The following ARHGAP20 variants were observed in gnomAD, a reference collection of about 807,000 sequenced individuals.
The protein encoded by ARHGAP20 is Rho GTPase activating protein 20, also known as rho GTPase-activating protein 20.
Under a neutral mutation model 73.7 loss-of-function variants are expected in ARHGAP20, and 34 were observed. The ratio of observed to expected loss-of-function variants is 0.46; its 90% confidence interval spans 0.35 to 0.61. ARHGAP20 has a LOEUF of 0.61. ARHGAP20 is among the 20% of genes least tolerant of loss of function. ARHGAP20 has a pLI of 0.00. For synonymous variants in ARHGAP20, 523 were observed against 518.2 expected, an observed-to-expected ratio of 1.01 and a Z score of -0.13; for missense variants, 1,314 against 1,420.9, an observed-to-expected ratio of 0.92 and a Z score of 1.21.
intron 2 of ARHGAP20, among the ~76,000 whole-genome samples, chr11:110,647,691 G>T (rs1280230333): frequency 1.3e-5 from 2 of 152,096 alleles, no homozygotes; most frequent in African/African-American, 4.8e-5. Flanking sequence ...ACACACAAAA[G>T]TAGTTTTGAA....
intron 4 of ARHGAP20, among the ~76,000 whole-genome samples, chr11:110,616,341 T>C (rs1320497493): frequency 1.3e-5 from 2 of 152,198 alleles, no homozygotes; most frequent in African/African-American, 2.4e-5. Flanking sequence ...TCCTATGTGG[T>C]CTTGTCACTA....
intron 2 of ARHGAP20, among the ~76,000 whole-genome samples, chr11:110,686,561 C>A (rs67393095): frequency 0.057 from 8,694 of 152,054 alleles, 290 homozygotes; most frequent in Middle Eastern, 0.099. Flanking sequence ...ATCTTGTATT[C>A]CTTTTTTATA....
chr11:110,584,911 A>ATGTG (rs1223719390), intron 12 of ARHGAP20, among the ~76,000 whole-genome samples: 1 of 149,362 alleles, frequency 6.7e-6, no homozygotes, highest in Admixed American at 6.8e-5. Flanking sequence ...ATGTGAATAT[A>ATGTG]TATATGAATA....
At chr11:110,611,796 C>A (rs1371732563) in intron 6 of ARHGAP20, among the ~76,000 whole-genome samples, 2 of 146,482 alleles carry the variant, frequency 1.4e-5, no homozygotes, top group African/African-American at 2.6e-5. Context: ...TCTATTTCTT[C>A]CTTAGTAGTG....
chr11:110,622,223 A>AG, intron 4 of ARHGAP20, among the ~76,000 whole-genome samples: 1 of 152,332 alleles, frequency 6.6e-6, no homozygotes, highest in Non-Finnish European at 1.5e-5. Context: ...TCTCAGGCTA[A>AG]GGCCTTAAAA....
Position 110,579,837 on chromosome 11 carries a change from A to G in ARHGAP20, c.3109T>C (p.Trp1037Arg). 1 of 1,614,152 alleles carries G rather than the reference A, an allele frequency of 6.2e-7. No individual in the cohort carries two copies. Among genetic ancestry groups the G allele is most frequent in the Non-Finnish European group, 8.5e-7 (1 of 1,180,028 alleles). The change falls in exon 15 of 15, where the codon TGG becomes CGG. Residue 1037 changes from tryptophan (W) to arginine (R), a missense_variant. Around this residue, in one of 3 missense-constraint regions of ARHGAP20, gnomAD observed 641 missense variants for 636.9 expected, o/e 1.01. Coordinates refer to ENST00000683387, the MANE Select transcript of ARHGAP20 (RefSeq NM_001384657.1). ...MHSVTLHPST[W>R]LRNGVASLKN... ...AAACTGGCCACACCATTTCTCAACCATGTGCTGGGATGAAGAGTTACAGAA... is the reference window on the plus strand; with the variant it reads ...AAACTGGCCACACCATTTCTCAACCGTGTGCTGGGATGAAGAGTTACAGAA...
At chr11:110,607,283 G>C (rs1188594885) in intron 8 of ARHGAP20, among the ~76,000 whole-genome samples, 1 of 152,078 alleles carries the variant, frequency 6.6e-6, no homozygotes, top group African/African-American at 2.4e-5. Flanking sequence ...TACACAGTTA[G>C]TTACTCAACT....
chr11:110,672,591 T>G (rs1025027340), intron 2 of ARHGAP20, among the ~76,000 whole-genome samples: 1 of 152,050 alleles, frequency 6.6e-6, no homozygotes, highest in African/African-American at 2.4e-5. Context: ...ACTACAAGCA[T>G]GCACCACCAC....
At chr11:110,671,226 AAAG>A (rs1462609839) in intron 2 of ARHGAP20, among the ~76,000 whole-genome samples, 2 of 151,746 alleles carry the variant, frequency 1.3e-5, no homozygotes, top group African/African-American at 4.9e-5. Context: ...AGACTAAAAC[AAAG>A]AAAAAAAAAC....
At chr11:110,625,004 GATTT>G (rs1205436595) in intron 3 of ARHGAP20, among the ~76,000 whole-genome samples, 1 of 132,520 alleles carries the variant, frequency 7.5e-6, no homozygotes, top group African/African-American at 3.0e-5. Context: ...AAATACACAG[GATTT>G]ATTTTTTTTT....
intron 2 of ARHGAP20, among the ~76,000 whole-genome samples, chr11:110,651,997 C>T (rs1949366695): frequency 6.6e-6 from 1 of 152,136 alleles, no homozygotes; most frequent in South Asian, 2.1e-4. Context: ...CAATAAAATG[C>T]TGGCAAATTG....
At chr11:110,681,387 A>T (rs1033870667) in intron 2 of ARHGAP20, among the ~76,000 whole-genome samples, 1 of 152,180 alleles carries the variant, frequency 6.6e-6, no homozygotes, top group African/African-American at 2.4e-5. Flanking sequence ...CCTTTAAGTG[A>T]TATCAATTGT....
chr11:110,667,951 G>A (rs943755490), intron 2 of ARHGAP20, among the ~76,000 whole-genome samples: 7 of 152,198 alleles, frequency 4.6e-5, no homozygotes, highest in African/African-American at 1.7e-4. Context: ...GTTTCTTGAC[G>A]TGGAATCTAC....
intron 9 of ARHGAP20, among the ~76,000 whole-genome samples, chr11:110,605,921 A>G (rs1450157097): frequency 6.6e-6 from 1 of 152,142 alleles, no homozygotes; most frequent in East Asian, 1.9e-4. Context: ...TTTGATATCA[A>G]TTTTCTTCTG....
chr11:110,585,079 A>C (rs1199969251), intron 12 of ARHGAP20, among the ~76,000 whole-genome samples: 5 of 150,530 alleles, frequency 3.3e-5, no homozygotes, highest in Admixed American at 2.0e-4. Flanking sequence ...ATATATGAAT[A>C]CATGAATATA....
At chr11:110,589,443 G>C (rs1947764906) in intron 11 of ARHGAP20, 1 of 985,376 alleles carries the variant, frequency 1.0e-6, no homozygotes, top group Admixed American at 6.1e-5. Context: ...GCTGGAGTAG[G>C]GGTATGCAAG....
At chr11:110,665,980 C>T (rs1027297231) in intron 2 of ARHGAP20, among the ~76,000 whole-genome samples, 17 of 151,598 alleles carry the variant, frequency 1.1e-4, no homozygotes, top group Admixed American at 6.6e-4. Context: ...TACATATACA[C>T]ACACACACAC....
chr11:110,710,134 T>C (rs890270610), intron 1 of ARHGAP20, among the ~76,000 whole-genome samples: 4 of 152,192 alleles, frequency 2.6e-5, no homozygotes, highest in African/African-American at 9.7e-5. Flanking sequence ...ATTACAGATA[T>C]AGGGATGTTG....
intron 14 of ARHGAP20, among the ~76,000 whole-genome samples, chr11:110,582,010 T>C (rs754679208): frequency 2.0e-5 from 3 of 151,838 alleles, no homozygotes; most frequent in Non-Finnish European, 4.4e-5. Context: ...AGTTCTATTA[T>C]ATATATTAGG....
Sources: allele counts gnomAD v4.1 joint callset (sites outside exome capture counted in the v4.1 genomes callset), GRCh38; gene constraint gnomAD v4.1.1; regional missense constraint gnomAD v4.1.1; transcripts MANE v1.5; gene names NCBI Gene and HGNC (gene_info 2026-07-23, HGNC 2026-07-21).